The following NIPA1 variants were observed in gnomAD, a reference collection of about 807,000 sequenced individuals.
NIPA1 encodes magnesium transporter NIPA1.
In NIPA1, 13 loss-of-function variants were observed where a neutral mutation model predicts 23.9. The observed-to-expected ratio is 0.54, with a 90% CI of 0.35 to 0.87. The LOEUF (loss-of-function observed/expected upper bound fraction) is 0.87. NIPA1 is among the 40% of genes least tolerant of loss of function. NIPA1 has a pLI of 0.01. For synonymous variants in NIPA1, 234 were observed against 202.9 expected, an observed-to-expected ratio of 1.15 and a Z score of -1.30; for missense variants, 362 against 429.7, an observed-to-expected ratio of 0.84 and a Z score of 1.39.
At chr15:22,807,201 C>T (rs1354869976) in intron 1 of NIPA1, among the ~76,000 whole-genome samples, 1 of 152,174 alleles carries the variant, frequency 6.6e-6, no homozygotes, top group Admixed American at 6.5e-5. Context: ...CCAGGTTCCT[C>T]CTCATTTTGT....
At chr15:22,813,503 T>C (rs1472545554) in intron 3 of NIPA1, 3 of 380,142 alleles carry the variant, frequency 7.9e-6, no homozygotes, top group African/African-American at 4.2e-5. Flanking sequence ...AAATAACATA[T>C]ATCCTCGTGT....
chr15:22,810,866 G>C, intron 2 of NIPA1, 70 bp downstream of exon 2: 1 of 1,198,468 alleles, frequency 8.3e-7, no homozygotes, highest in South Asian at 1.2e-5. Context: ...GGGCAGGGCT[G>C]GAGTGGCTGG....
At chr15:22,812,020 A>C in intron 2 of NIPA1, 143 bp from the exon 3 acceptor site, 1 of 709,724 alleles carries the variant, frequency 1.4e-6, no homozygotes, top group African/African-American at 1.8e-5. Context: ...TTAAATGTGC[A>C]GATGACACCC....
chr15:22,788,538 C>T (rs972680611), intron 1 of NIPA1, among the ~76,000 whole-genome samples: 1 of 148,332 alleles, frequency 6.7e-6, no homozygotes, highest in Non-Finnish European at 1.5e-5. Flanking sequence ...CCTGACCAGT[C>T]CTCTGTGAAG....
intron 1 of NIPA1, 73 bp from the exon 2 acceptor site, chr15:22,810,676 C>T: frequency 1.1e-6 from 1 of 888,450 alleles, no homozygotes; most frequent in South Asian, 1.3e-5. Flanking sequence ...AAGTTTCTCG[C>T]TTGTAAACCT....
At chr15:22,794,783 A>G (rs576757719) in intron 1 of NIPA1, among the ~76,000 whole-genome samples, 2 of 152,250 alleles carry the variant, frequency 1.3e-5, no homozygotes, top group East Asian at 3.9e-4. Flanking sequence ...GTGGAGACGG[A>G]ACGAGGTTAG....
At chr15:22,803,227 G>A (rs930770405) in intron 1 of NIPA1, among the ~76,000 whole-genome samples, 1 of 151,966 alleles carries the variant, frequency 6.6e-6, no homozygotes, top group African/African-American at 2.4e-5. Flanking sequence ...AAAGTGCTGG[G>A]ATTATAGGCA....
At chr15:22,815,717 TACTA>T (rs1250375895) in intron 3 of NIPA1, among the ~76,000 whole-genome samples, 1 of 145,064 alleles carries the variant, frequency 6.9e-6, no homozygotes, top group Admixed American at 7.3e-5. Flanking sequence ...TTGAACAAAA[TACTA>T]ACCAGTTGGA....
At position 22,829,338 on chromosome 15, in the gene NIPA1, G is replaced by A. The variant is rs1895709820; in HGVS notation, c.*5099G>A. The A allele has an allele frequency of 1.3e-5, 2 of 152,418 alleles. No homozygotes were observed. Among genetic ancestry groups the A allele is most frequent in the Admixed American group, 1.3e-4 (2 of 15,294 alleles). 9.4% of individuals were successfully genotyped at this position (152,418 alleles called of 1,614,324 possible). A position where few individuals can be genotyped will look rare whatever the true frequency, so the allele number is the denominator to read the frequency against. On this transcript the variant is annotated 3_prime_UTR_variant, in exon 5 of 5. Transcript: ENST00000337435. ...GATGCTGAACTGACACCAGGCGAAT[G>A]TCAGGGCTCCCAAACCACTAGTGCC...
At chr15:22,797,334 C>G (rs1894959117) in intron 1 of NIPA1, among the ~76,000 whole-genome samples, 1 of 151,988 alleles carries the variant, frequency 6.6e-6, no homozygotes, top group Non-Finnish European at 1.5e-5. Flanking sequence ...CTCAGCCTCC[C>G]AAGTAGCTGG....
chr15:22,799,054 C>G (rs1457528104), intron 1 of NIPA1, among the ~76,000 whole-genome samples: 1 of 151,964 alleles, frequency 6.6e-6, no homozygotes, highest in Admixed American at 6.6e-5. Context: ...ATCTACCATT[C>G]AACCCAGCAA....
chr15:22,824,226 T>A lies in NIPA1; in HGVS notation c.977T>A (p.Met326Lys). 6.2e-7 allele frequency: 1 copy of A among 1,613,358 alleles called. No homozygotes were observed. The highest frequency in any genetic ancestry group is 8.5e-7 in the Non-Finnish European group (1 of 1,179,280). The change falls in exon 5 of 5, where the codon ATG becomes AAG. Residue 326 changes from methionine to lysine, a missense_variant. Coordinates refer to ENST00000337435, the MANE Select transcript of NIPA1 (RefSeq NM_144599.5). This position sits in a 1 kb window ranked among gnomAD's most constrained non-coding sequence, Gnocchi z 4.1. Reference protein sequence around the residue: ...FNLGEMNKSNMKTD With the variant: ...FNLGEMNKSNKKTD ...CTTGGGGAGATGAACAAATCTAATATGAAAACAGACTAGATTGCAATAGGA... is the reference window on the plus strand; with the variant it reads ...CTTGGGGAGATGAACAAATCTAATAAGAAAACAGACTAGATTGCAATAGGA...
intron 1 of NIPA1, among the ~76,000 whole-genome samples, chr15:22,809,408 G>A (rs1354631936): frequency 1.3e-5 from 2 of 151,912 alleles, no homozygotes; most frequent in African/African-American, 4.8e-5. Flanking sequence ...AAGGAAAAAA[G>A]AATTCATTAC....
chr15:22,824,050 G>A lies in NIPA1; in HGVS notation c.801G>A (p.Val267=), dbSNP rs185222838. 4.3e-6 allele frequency: 7 copies of A among 1,614,148 alleles called. No individual in the cohort carries two copies. Among genetic ancestry groups the A allele is most frequent in the Non-Finnish European group, 5.9e-6 (7 of 1,179,992 alleles). ...SSVFGAIYYV[V]FTTLVLLASA... is the part of the protein sequence containing the mutation. ...TGTTCGGGGCCATCTACTACGTCGT[G>A]TTTACCACGCTGGTCCTGCTGGCCT... The change falls in exon 5 of 5, where the codon GTG becomes GTA. Residue 267 remains valine, a synonymous_variant. Coordinates refer to ENST00000337435, the MANE Select transcript of NIPA1 (RefSeq NM_144599.5). This position sits in a 1 kb window ranked among gnomAD's most constrained non-coding sequence, Gnocchi z 4.1.
chr15:22,822,908 GTTTTTTTTTTTT>G (rs59308538), intron 4 of NIPA1, among the ~76,000 whole-genome samples: 1 of 91,442 alleles, frequency 1.1e-5, no homozygotes, highest in Non-Finnish European at 2.0e-5. Context: ...GCTGTAAATG[GTTTTTTTTTTTT>G]TTTTTTTTTT....
intron 4 of NIPA1, among the ~76,000 whole-genome samples, chr15:22,822,781 C>T (rs1022672320): frequency 4.0e-5 from 6 of 151,120 alleles, no homozygotes; most frequent in South Asian, 2.1e-4. Context: ...GAGCAGAGAT[C>T]GTGCTATTGC....
chr15:22,789,382 A>G (rs1303047608), intron 1 of NIPA1, among the ~76,000 whole-genome samples: 6 of 152,186 alleles, frequency 3.9e-5, no homozygotes, highest in Non-Finnish European at 5.9e-5. Flanking sequence ...CTTTAGCTCT[A>G]TGACTCTTCA....
intron 3 of NIPA1, chr15:22,813,602 A>G (rs1375360337): frequency 2.2e-6 from 1 of 455,662 alleles, no homozygotes; most frequent in Non-Finnish European, 4.4e-6. Context: ...TTTCTAACTC[A>G]TGGATACATT....
chr15:22,824,265 G>C lies in NIPA1; in HGVS notation c.*26G>C. On this transcript the variant is annotated 3_prime_UTR_variant, in exon 5 of 5. Transcript: ENST00000337435. This position sits in a 1 kb window ranked among gnomAD's most constrained non-coding sequence, Gnocchi z 4.1. ...ATTGCAATAGGAGCTTGGATGGTTC[G>C]AGGAATAGGCATTGGAGGTGGTTTC... 6.3e-7 allele frequency: 1 copy of C among 1,597,370 alleles called. No homozygotes were observed. The highest frequency in any genetic ancestry group is 8.6e-7 in the Non-Finnish European group (1 of 1,164,860).
Sources: allele counts gnomAD v4.1 joint callset (sites outside exome capture counted in the v4.1 genomes callset), GRCh38; gene constraint gnomAD v4.1.1; non-coding constraint Gnocchi (gnomAD v3.1); transcripts MANE v1.5; gene names NCBI Gene and HGNC (gene_info 2026-07-23, HGNC 2026-07-21).